L3MBTL4: variants seen among roughly 807,000 people sequenced by gnomAD.
L3MBTL4 encodes L3MBTL histone methyl-lysine binding protein 4.
L3MBTL4 carries 70 observed loss-of-function variants against 84.5 expected under a neutral mutation model. The ratio of observed to expected loss-of-function variants is 0.83; its 90% CI spans 0.68 to 1.01. The LOEUF (loss-of-function observed/expected upper bound fraction) is 1.01. Ranked by LOEUF, L3MBTL4 falls within the 50% of genes least tolerant of loss-of-function variation. The pLI is 0.00. For synonymous variants in L3MBTL4, 274 were observed against 259.8 expected, an observed-to-expected ratio of 1.05 and a Z score of -0.52; for missense variants, 715 against 754.8, an observed-to-expected ratio of 0.95 and a Z score of 0.62.
At chr18:6,352,284 A>G (rs1035131333) in intron 1 of L3MBTL4, among the ~76,000 whole-genome samples, 8 of 152,166 alleles carry the variant, frequency 5.3e-5, no homozygotes, top group Admixed American at 6.5e-5. Context: ...TACAAACCCA[A>G]TCTCCTCATC....
chr18:6,371,546 C>T (rs2054161584), intron 1 of L3MBTL4, among the ~76,000 whole-genome samples: 1 of 152,180 alleles, frequency 6.6e-6, no homozygotes, highest in African/African-American at 2.4e-5. Context: ...CCTGGCAAAT[C>T]ATCCTCCAAA....
chr18:6,133,247 T>C (rs1176832624), intron 14 of L3MBTL4, among the ~76,000 whole-genome samples: 1 of 151,968 alleles, frequency 6.6e-6, no homozygotes, highest in African/African-American at 2.4e-5. Context: ...CAAGGGCTGC[T>C]GAGCATGTGA....
At chr18:6,047,590 G>A (rs1249797988) in intron 16 of L3MBTL4, among the ~76,000 whole-genome samples, 4 of 152,120 alleles carry the variant, frequency 2.6e-5, no homozygotes, top group African/African-American at 9.7e-5. Flanking sequence ...TGCAAGGTTG[G>A]TTCAACAAAT....
At chr18:6,183,802 G>C (rs2044595271) in intron 12 of L3MBTL4, among the ~76,000 whole-genome samples, 1 of 152,180 alleles carries the variant, frequency 6.6e-6, no homozygotes, top group African/African-American at 2.4e-5. Context: ...TGTAATCCAG[G>C]ATATTCAATA....
In L3MBTL4 at chr18:6,163,259, TGGGGGGGGG is replaced by T. The variant is rs71163263; in HGVS notation, c.1096+8560_1096+8568del. 1.0e-4 allele frequency among the ~76,000 whole-genome samples: 6 copies of T among 57,376 alleles called. 1 individual carries two copies. Among genetic ancestry groups the T allele is most frequent in the African/African-American group, 3.6e-4 (6 of 16,756 alleles). 37.6% of individuals were successfully genotyped at this position (57,376 alleles called of 152,430 possible). A position where few individuals can be genotyped will look rare whatever the true frequency, so the allele number is the denominator to read the frequency against. On this transcript the variant is annotated intron_variant, in intron 13 of 18. Coordinates refer to ENST00000317931, the MANE Select transcript of L3MBTL4 (RefSeq NM_001330559.2). ...GTGTTTGTCTACGGGTGTGTGTGTG[TGGGGGGGGG>T]GTGGGTGTGTGTGTGTGTGTGTGTG...
intron 16 of L3MBTL4, among the ~76,000 whole-genome samples, chr18:6,020,720 A>T (rs1420633221): frequency 6.6e-6 from 1 of 152,172 alleles, no homozygotes; most frequent in Non-Finnish European, 1.5e-5. Context: ...GAAGGAGAGG[A>T]GTCAAGGACG....
At chr18:6,188,604 G>A (rs1285143638) in intron 12 of L3MBTL4, among the ~76,000 whole-genome samples, 5 of 152,216 alleles carry the variant, frequency 3.3e-5, no homozygotes, top group African/African-American at 1.2e-4. Context: ...GGCCTGTGCT[G>A]AGTTTGTACC....
At position 6,374,912 on chromosome 18, in the gene L3MBTL4, A is replaced by G. The variant is rs115109410; in HGVS notation, c.-91+39889T>C. Reference sequence around the variant, plus strand: ...AAAATATTCAGAAGCAAAGCTTTCAATTAATTCAGTATTTAAATGAAATTC... The same window carrying G: ...AAAATATTCAGAAGCAAAGCTTTCAGTTAATTCAGTATTTAAATGAAATTC... On this transcript the variant is annotated intron_variant, in intron 1 of 18. Coordinates refer to ENST00000317931, the MANE Select transcript of L3MBTL4 (RefSeq NM_001330559.2). 9.0e-3 allele frequency among the ~76,000 whole-genome samples: 1,369 copies of G among 152,358 alleles called. 25 individuals are homozygous for G. Among genetic ancestry groups the G allele is most frequent in the African/African-American group, 0.032 (1,328 of 41,584 alleles).
At chr18:6,239,318 G>C (rs2047354070) in intron 9 of L3MBTL4, among the ~76,000 whole-genome samples, 1 of 146,064 alleles carries the variant, frequency 6.8e-6, no homozygotes, top group Non-Finnish European at 1.5e-5. Flanking sequence ...TCCAGCCTGG[G>C]CGACAGAGCG....
intron 13 of L3MBTL4, among the ~76,000 whole-genome samples, chr18:6,163,261 G>T (rs59256704): frequency 0.092 from 7,644 of 82,938 alleles, 635 homozygotes; most frequent in African/African-American, 0.26. Flanking sequence ...TGTGTGTGTG[G>T]GGGGGGGGTG....
At position 6,378,700 on chromosome 18, in the gene L3MBTL4, C is replaced by T. The variant is rs370590052; in HGVS notation, c.-91+36101G>A. Among the ~76,000 whole-genome samples the T allele has an allele frequency of 3.5e-4, 53 of 152,270 alleles. 2 individuals carry two copies. The South Asian group carries it at 0.01, about 30-fold the overall frequency. On this transcript the variant is annotated intron_variant, in intron 1 of 18. Coordinates refer to ENST00000317931, the MANE Select transcript of L3MBTL4 (RefSeq NM_001330559.2). The stretch of plus-strand genomic sequence containing the variant: ...TATATGTCTGTTTTGGTACCAGTAC[C>T]GTGCTGTTTTGGTCACTGTAGCCTT...
At chr18:6,225,292 C>T (rs1169881859) in intron 10 of L3MBTL4, among the ~76,000 whole-genome samples, 1 of 152,194 alleles carries the variant, frequency 6.6e-6, no homozygotes, top group African/African-American at 2.4e-5. Flanking sequence ...AATCAGCTTA[C>T]ATTTTAGTAA....
At chr18:6,063,009 C>T (rs2057282010) in intron 16 of L3MBTL4, among the ~76,000 whole-genome samples, 1 of 151,804 alleles carries the variant, frequency 6.6e-6, no homozygotes, top group Non-Finnish European at 1.5e-5. Context: ...CCCTGAGTCC[C>T]CAGAGTCCAT....
chr18:6,173,273 T>C (rs563044948), intron 12 of L3MBTL4, among the ~76,000 whole-genome samples: 17 of 151,994 alleles, frequency 1.1e-4, no homozygotes, highest in Non-Finnish European at 1.9e-4. Context: ...CATCGGACAA[T>C]AGGCAGCACA....
At chr18:6,301,394 TG>T (rs2050332069) in intron 4 of L3MBTL4, among the ~76,000 whole-genome samples, 1 of 152,226 alleles carries the variant, frequency 6.6e-6, no homozygotes, top group African/African-American at 2.4e-5. Context: ...CTTCATCTGT[TG>T]GTTTAAATTT....
chr18:6,308,768 G>A (rs1338915406), intron 3 of L3MBTL4, among the ~76,000 whole-genome samples: 2 of 151,880 alleles, frequency 1.3e-5, no homozygotes, highest in Admixed American at 1.3e-4. Flanking sequence ...TTTTTCTTAT[G>A]TAGACATACG....
chr18:6,245,416 T>C (rs11872313), intron 5 of L3MBTL4, among the ~76,000 whole-genome samples: 1,743 of 152,208 alleles, frequency 0.011, 30 homozygotes, highest in African/African-American at 0.04. Context: ...CACTTTATTA[T>C]ATGGATTACC....
chr18:6,124,482 C>A (rs191326891), intron 14 of L3MBTL4, among the ~76,000 whole-genome samples: 6 of 149,464 alleles, frequency 4.0e-5, no homozygotes, highest in Admixed American at 4.0e-4. Context: ...TATATACACA[C>A]CAATACATGC....
intron 15 of L3MBTL4, among the ~76,000 whole-genome samples, chr18:6,084,678 T>C (rs1312449789): frequency 6.6e-6 from 1 of 152,194 alleles, no homozygotes; most frequent in Non-Finnish European, 1.5e-5. Context: ...TATTAGGGGA[T>C]GCAGACTTGT....
Sources: allele counts gnomAD v4.1 joint callset (sites outside exome capture counted in the v4.1 genomes callset), GRCh38; gene constraint gnomAD v4.1.1; transcripts MANE v1.5; gene names NCBI Gene and HGNC (gene_info 2026-07-23, HGNC 2026-07-21).